The following DNHD1 variants were observed in gnomAD, a reference collection of about 807,000 sequenced individuals.
DNHD1 encodes dynein heavy chain domain 1.
In DNHD1, 383 loss-of-function variants were observed where a neutral mutation model predicts 458.1. That is an observed-to-expected ratio of 0.84 (90% CI 0.77 to 0.91). The LOEUF (loss-of-function observed/expected upper bound fraction) is 0.91. Among genes scored for constraint, DNHD1 ranks in the 40% least tolerant of loss-of-function variants. The pLI is 0.00. For missense variants in DNHD1, 5,336 were observed against 5,866.1 expected (o/e 0.91, Z 2.95); for synonymous variants, 2,203 against 2,376.9 (o/e 0.93, Z 2.13).
At chr11:6,568,306 C>G in intron 37 of DNHD1, 64 bp downstream of exon 37, 5 of 1,529,094 alleles carry the variant, frequency 3.3e-6, no homozygotes, top group Non-Finnish European at 4.4e-6. Flanking sequence ...AGCTTGAAAT[C>G]TCAGGCCTCA....
chr11:6,502,740 TTC>T lies in DNHD1; in HGVS notation c.747-11_747-10del. ...TTACTCTGCCTTTTCTCTCCTGATT[TTC>T]TGTCACACAGGTCTCAGCTTGACTA... On this transcript the variant is annotated splice_polypyrimidine_tract_variant and intron_variant, in intron 3 of 42. Transcript: ENST00000254579. The T allele has an allele frequency of 6.4e-7, 1 of 1,564,186 alleles. No individual in the cohort carries two copies. The highest frequency in any genetic ancestry group is 2.3e-5 in the East Asian group (1 of 43,454).
chr11:6,513,207 T>G (rs1175289024), intron 7 of DNHD1, among the ~76,000 whole-genome samples: 2 of 152,232 alleles, frequency 1.3e-5, no homozygotes, highest in Non-Finnish European at 2.9e-5. Flanking sequence ...AATTCAGTAG[T>G]CAATTTTGTA....
intron 13 of DNHD1, 114 bp downstream of exon 13, chr11:6,533,298 A>C: frequency 8.9e-7 from 1 of 1,122,316 alleles, no homozygotes; most frequent in East Asian, 2.7e-5. Flanking sequence ...ATGCTCTTAA[A>C]CTGTGCTCGC....
At chr11:6,558,807 T>C in intron 26 of DNHD1, 95 bp from the exon 27 acceptor site, 1 of 1,509,364 alleles carries the variant, frequency 6.6e-7, no homozygotes, top group South Asian at 1.2e-5. Context: ...CCCCTTCACA[T>C]TTCCTACCCT....
intron 21 of DNHD1, 46 bp downstream of exon 21, chr11:6,547,712 G>A (rs1455932270): frequency 1.3e-6 from 2 of 1,491,526 alleles, no homozygotes; most frequent in Non-Finnish European, 1.8e-6. Context: ...GGCCTTAAGG[G>A]TAGCTGGGGT....
At chr11:6,556,152 T>A (rs1853457706) in intron 24 of DNHD1, among the ~76,000 whole-genome samples, 1 of 152,076 alleles carries the variant, frequency 6.6e-6, no homozygotes, top group South Asian at 2.1e-4. Context: ...TATTTTTCAT[T>A]TTTTGTAGAA....
rs1169683951 is a variant in DNHD1 at position 6,548,173 on chromosome 11, C to A, written c.6906-37C>A. On this transcript the variant is annotated intron_variant, in intron 22 of 42. Coordinates refer to ENST00000254579, the MANE Select transcript of DNHD1 (RefSeq NM_144666.3). The surrounding 1 kb of genome is among the most constrained non-coding windows in gnomAD (Gnocchi z 4.4). The stretch of plus-strand genomic sequence containing the variant: ...TGTGTCATAAATGGAAGTGTTGTAA[C>A]TGTCTGACGCTTTTGCCTGTGTGTC... The A allele has an allele frequency of 3.2e-6, 5 of 1,548,584 alleles. No homozygotes were observed. The highest frequency in any genetic ancestry group is 4.4e-6 in the Non-Finnish European group (5 of 1,144,432).
chr11:6,519,375 T>G (rs1852555073), intron 7 of DNHD1, among the ~76,000 whole-genome samples: 2 of 152,154 alleles, frequency 1.3e-5, no homozygotes, highest in Admixed American at 6.5e-5. Context: ...CCTACCACAT[T>G]AGCACACTGT....
chr11:6,518,611 C>T lies in DNHD1; in HGVS notation c.1393-989C>T, dbSNP rs368699569. Among the ~76,000 whole-genome samples, 16 of 152,202 alleles carry T rather than the reference C, an allele frequency of 1.1e-4. No individual in the cohort carries two copies. The East Asian group carries it at 1.4e-3, about 13-fold the overall frequency. ...AAATGAAATAAGGTGTAACAGAGAT[C>T]GCCTCCTAAAGGAGCTTACAGTGTA... On this transcript the variant is annotated intron_variant, in intron 7 of 42. Transcript: ENST00000254579.
Position 6,571,155 on chromosome 11 carries a change from C to T in DNHD1, c.13643C>T (p.Pro4548Leu). The part of the protein sequence containing the change: ...RPHAPAGPQP[P>L]WHWLRQLSRR... Reference sequence around the variant, plus strand: ...CATGCGCCGGCCGGTCCGCAGCCGCCCTGGCACTGGCTGCGACAGTTGTCG... The same window carrying T: ...CATGCGCCGGCCGGTCCGCAGCCGCTCTGGCACTGGCTGCGACAGTTGTCG... The change falls in exon 42 of 43, where the codon CCC (proline) becomes CTC (leucine). Residue 4548 changes from proline (P) to leucine (L), a missense_variant. Transcript: ENST00000254579. This position sits in a 1 kb window ranked among gnomAD's most constrained non-coding sequence, Gnocchi z 5.0. 1 of 1,603,546 alleles carries T rather than the reference C, an allele frequency of 6.2e-7. No homozygotes were observed. Among genetic ancestry groups the T allele is most frequent in the Non-Finnish European group, 8.5e-7 (1 of 1,175,920 alleles).
At position 6,567,515 on chromosome 11, in the gene DNHD1, G is replaced by A; in HGVS notation, c.12006G>A (p.Leu4002=). 6.2e-7 allele frequency: 1 copy of A among 1,613,600 alleles called. No individual in the cohort carries two copies. Among genetic ancestry groups the A allele is most frequent in the Non-Finnish European group, 8.5e-7 (1 of 1,179,718 alleles). The stretch of plus-strand genomic sequence containing the variant: ...AGCTGCTGCCCCCATTTGTTGGCCT[G>A]TGTGCCTCCCTGGCAGGCCACTCCA... ...MLELLPPFVG[L]CASLAGHSSA... is the part of the protein sequence containing the mutation. The change falls in exon 36 of 43, where the codon CTG becomes CTA. Residue 4002 remains leucine (L), a synonymous_variant. Coordinates refer to ENST00000254579, the MANE Select transcript of DNHD1 (RefSeq NM_144666.3).
chr11:6,519,930 A>G, intron 8 of DNHD1, 35 bp from the exon 9 acceptor site: 2 of 1,613,718 alleles, frequency 1.2e-6, no homozygotes, highest in Non-Finnish European at 1.7e-6. Flanking sequence ...ACTGACATCT[A>G]GCCCCTCGAC....
chr11:6,513,489 T>C (rs1381639858), intron 7 of DNHD1, among the ~76,000 whole-genome samples: 1 of 152,220 alleles, frequency 6.6e-6, no homozygotes, highest in Non-Finnish European at 1.5e-5. Flanking sequence ...GCCTGACTTT[T>C]TTCACTCAAC....
At position 6,536,733 on chromosome 11, in the gene DNHD1, A is replaced by G. The variant is rs1333545562; in HGVS notation, c.2999-1650A>G. 3.3e-5 allele frequency among the ~76,000 whole-genome samples: 5 copies of G among 152,378 alleles called. No individual in the cohort carries two copies. In the East Asian group the frequency reaches 7.7e-4, roughly 23 times the overall value. Reference sequence around the variant, plus strand: ...AGTAGATATCACAAAATGTCTGTCAAAGGACATTTGCTCTTAATCCCCAGT... The same window carrying G: ...AGTAGATATCACAAAATGTCTGTCAGAGGACATTTGCTCTTAATCCCCAGT... On this transcript the variant is annotated intron_variant, in intron 14 of 42. Transcript: ENST00000254579.
chr11:6,508,681 A>T (rs186171197), intron 4 of DNHD1, 199 bp from the exon 5 acceptor site: 1 of 570,298 alleles, frequency 1.8e-6, no homozygotes, highest in East Asian at 2.9e-5. Context: ...CTTCCCATCT[A>T]CCTTTGGCTT....
At chr11:6,504,760 G>A (rs916234732) in intron 4 of DNHD1, among the ~76,000 whole-genome samples, 1 of 152,014 alleles carries the variant, frequency 6.6e-6, no homozygotes, top group Non-Finnish European at 1.5e-5. Flanking sequence ...AGCCAGCACT[G>A]TCTGAATCAG....
At chr11:6,499,016 A>T in intron 3 of DNHD1, 55 bp downstream of exon 3, 1 of 1,519,184 alleles carries the variant, frequency 6.6e-7, no homozygotes, top group Non-Finnish European at 8.8e-7. Context: ...TTGCTGTTTT[A>T]TGGGTGCCTC....
At chr11:6,523,020 A>C (rs1444185124) in intron 10 of DNHD1, among the ~76,000 whole-genome samples, 1 of 152,212 alleles carries the variant, frequency 6.6e-6, no homozygotes, top group Non-Finnish European at 1.5e-5. Flanking sequence ...CTGCAGTTCA[A>C]AACTCAGAAA....
rs751194518 is a variant in DNHD1 at position 6,571,122 on chromosome 11, G to A, written c.13610G>A (p.Trp4537Ter). The change falls in exon 42 of 43, where the codon TGG becomes TAG. Residue 4537 changes from tryptophan (W) to a stop codon, truncating the protein, a stop_gained. Transcript: ENST00000254579. LOFTEE classifies it high-confidence loss of function. The surrounding 1 kb of genome is among the most constrained non-coding windows in gnomAD (Gnocchi z 5.0). ...TGGACTGGCCGCCTACCCTTGCCTT[G>A]GCGACCTCATGCGCCGGCCGGTCCG... The part of the protein sequence containing the change: ...ALWTGRLPLP[W>*]RPHAPAGPQP... The A allele has an allele frequency of 6.2e-7, 1 of 1,600,118 alleles. No homozygotes were observed. Among genetic ancestry groups the A allele is most frequent in the Admixed American group, 1.7e-5 (1 of 59,686 alleles).
Sources: allele counts gnomAD v4.1 joint callset (sites outside exome capture counted in the v4.1 genomes callset), GRCh38; gene constraint gnomAD v4.1.1; non-coding constraint Gnocchi (gnomAD v3.1); transcripts MANE v1.5; gene names NCBI Gene and HGNC (gene_info 2026-07-23, HGNC 2026-07-21).